The following CFAP77 variants were observed in gnomAD, a reference collection of about 807,000 sequenced individuals.
The protein encoded by CFAP77 is cilia- and flagella-associated protein 77.
CFAP77 carries 25 observed loss-of-function variants against 31.1 expected under a neutral mutation model. The ratio of observed to expected loss-of-function variants is 0.80; its 90% confidence interval spans 0.59 to 1.12. The LOEUF (loss-of-function observed/expected upper bound fraction) is 1.12, where lower values mean the gene tolerates loss of function less well. Ranked by LOEUF, CFAP77 falls within the 50% of genes most tolerant of loss-of-function variation. The pLI, the probability that CFAP77 is intolerant of heterozygous loss-of-function variation, is 0.00. For synonymous variants in CFAP77, 151 were observed against 159.9 expected (o/e 0.94, Z 0.42); for missense variants, 377 against 397.3 (o/e 0.95, Z 0.44).
intron 1 of CFAP77, among the ~76,000 whole-genome samples, chr9:132,431,825 C>T (rs1256585188): frequency 6.6e-6 from 1 of 152,152 alleles, no homozygotes; most frequent in Non-Finnish European, 1.5e-5. Context: ...AAAGTAATTG[C>T]AGTTTTTGCC....
At chr9:132,496,454 A>G (rs1418886601) in intron 1 of CFAP77, among the ~76,000 whole-genome samples, 1 of 151,958 alleles carries the variant, frequency 6.6e-6, no homozygotes, top group Non-Finnish European at 1.5e-5. Flanking sequence ...CATTTTCATC[A>G]CTCCCCAAAG....
intron 3 of CFAP77, among the ~76,000 whole-genome samples, chr9:132,531,984 G>T (rs1852461394): frequency 6.6e-6 from 1 of 152,194 alleles, no homozygotes; most frequent in Non-Finnish European, 1.5e-5. Context: ...ACGGTCTCTT[G>T]GGGTAGATAT....
chr9:132,557,682 A>G (rs1852925943), intron 5 of CFAP77, among the ~76,000 whole-genome samples: 1 of 152,136 alleles, frequency 6.6e-6, no homozygotes, highest in African/African-American at 2.4e-5. Context: ...CTGGCACCCC[A>G]TGCAAATCGA....
At chr9:132,443,481 G>A (rs564702364) in intron 1 of CFAP77, among the ~76,000 whole-genome samples, 8 of 152,160 alleles carry the variant, frequency 5.3e-5, no homozygotes, top group African/African-American at 1.4e-4. Context: ...TCGAACTCCC[G>A]AACTCAGGTG....
chr9:132,506,508 AC>A (rs1258279783), intron 3 of CFAP77, among the ~76,000 whole-genome samples: 1 of 151,656 alleles, frequency 6.6e-6, no homozygotes, highest in Non-Finnish European at 1.5e-5. Context: ...GACTCTGGGC[AC>A]CCTGGGCTCT....
chr9:132,491,326 G>C lies in CFAP77; in HGVS notation c.196-7369G>C, dbSNP rs370885052. Among the ~76,000 whole-genome samples, 35 of 152,266 alleles carry C rather than the reference G, an allele frequency of 2.3e-4. No homozygotes were observed. The South Asian group carries it at 4.8e-3, about 21-fold the overall frequency. On this transcript the variant is annotated intron_variant, in intron 1 of 5. Transcript: ENST00000393216. ...CTACCAAAAATACAAAATTAGCTGG[G>C]TGTGGTGGTGCACGCCTGTATTCCC...
At chr9:132,416,978 T>C (rs1850113910) in intron 1 of CFAP77, among the ~76,000 whole-genome samples, 1 of 152,046 alleles carries the variant, frequency 6.6e-6, no homozygotes, top group Non-Finnish European at 1.5e-5. Context: ...CGTTTGTTGG[T>C]CATTGGTAAT....
chr9:132,537,763 G>A (rs1002639487), intron 4 of CFAP77, 57 bp downstream of exon 4: 5 of 1,314,096 alleles, frequency 3.8e-6, no homozygotes, highest in Middle Eastern at 1.8e-4. Context: ...AGAGAGAAGG[G>A]CTGGCCAGGG....
intron 1 of CFAP77, among the ~76,000 whole-genome samples, chr9:132,436,896 T>C (rs976162062): frequency 6.6e-6 from 1 of 152,164 alleles, no homozygotes; most frequent in African/African-American, 2.4e-5. Context: ...CTTGTCTGGA[T>C]AGGGCCAGGA....
intron 1 of CFAP77, among the ~76,000 whole-genome samples, chr9:132,430,192 G>C (rs1012495219): frequency 5.9e-5 from 9 of 151,946 alleles, no homozygotes; most frequent in African/African-American, 2.2e-4. Flanking sequence ...TAAAATTTCT[G>C]GTTCTGTGAT....
In CFAP77 at chr9:132,498,303, G is replaced by A. The variant is rs114110451; in HGVS notation, c.196-392G>A. Among the ~76,000 whole-genome samples the A allele has an allele frequency of 0.014, 2,206 of 152,182 alleles. 38 individuals carry two copies. Among genetic ancestry groups the A allele is most frequent in the African/African-American group, 0.051 (2,119 of 41,500 alleles). ...GGTAGGAAAGATGTCTCCTTCCTTC[G>A]ACGGGGCCTCCAGATGAGGCCTCCT... On this transcript the variant is annotated intron_variant, in intron 1 of 5. Transcript: ENST00000393216. The surrounding 1 kb of genome is among the most constrained non-coding windows in gnomAD (Gnocchi z 4.2).
chr9:132,556,421 C>CT (rs1176667819), intron 5 of CFAP77, among the ~76,000 whole-genome samples: 3 of 152,212 alleles, frequency 2.0e-5, no homozygotes, highest in Non-Finnish European at 4.4e-5. Context: ...GGAGGACCCC[C>CT]TCCCCGGCGG....
rs1480306781 is a variant in CFAP77, at chr9:132,522,552, C to T, written c.525-15049C>T. On this transcript the variant is annotated intron_variant, in intron 3 of 5. Transcript: ENST00000393216. ...GTTCATTTTGGGGGTGGGAAAAATG[C>T]CTATATTTTACCATAAAGAACTACA... 8.5e-5 allele frequency among the ~76,000 whole-genome samples: 13 copies of T among 152,214 alleles called. No homozygotes were observed. The South Asian group carries it at 2.7e-3, about 32-fold the overall frequency.
chr9:132,438,917 C>G (rs1292081710), intron 1 of CFAP77, among the ~76,000 whole-genome samples: 9 of 150,512 alleles, frequency 6.0e-5, no homozygotes, highest in Non-Finnish European at 1.0e-4. Context: ...ACTTTGTTGC[C>G]CAGGCTGGAG....
intron 3 of CFAP77, among the ~76,000 whole-genome samples, chr9:132,502,288 G>T (rs920180457): frequency 6.7e-6 from 1 of 148,934 alleles, no homozygotes; most frequent in African/African-American, 2.5e-5. Flanking sequence ...GGGGGAGGGG[G>T]GTGGTAGTTC....
At chr9:132,546,126 G>GAACC in intron 5 of CFAP77, among the ~76,000 whole-genome samples, 1 of 152,208 alleles carries the variant, frequency 6.6e-6, no homozygotes, top group Non-Finnish European at 1.5e-5. Flanking sequence ...ATGAAAGACT[G>GAACC]AACCGCCAGT....
At chr9:132,553,668 T>A (rs997936024) in intron 5 of CFAP77, among the ~76,000 whole-genome samples, 1 of 152,152 alleles carries the variant, frequency 6.6e-6, no homozygotes, top group African/African-American at 2.4e-5. Context: ...AGGGTCTCGA[T>A]TGCACCCCAG....
chr9:132,519,519 G>GATGGATGGATGGGTGGGTGT (rs1852217581), intron 3 of CFAP77, among the ~76,000 whole-genome samples: 3 of 55,872 alleles, frequency 5.4e-5, no homozygotes, highest in Admixed American at 2.0e-4. Flanking sequence ...TGGGTGGGTG[G>GATGGATGGATGGGTGGGTGT]GTAGATGGAT....
chr9:132,422,858 G>A (rs1461200287), intron 1 of CFAP77, among the ~76,000 whole-genome samples: 1 of 152,228 alleles, frequency 6.6e-6, no homozygotes, highest in East Asian at 1.9e-4. Flanking sequence ...GTGACAGCTG[G>A]GATGGACATG....
Sources: gnomAD v4.1 joint callset for allele counts (sites outside exome capture counted in the v4.1 genomes callset) on GRCh38, gnomAD v4.1.1 for gene constraint, Gnocchi (gnomAD v3.1) non-coding constraint, MANE v1.5 for transcripts, NCBI Gene and HGNC (gene_info 2026-07-23, HGNC 2026-07-21) for gene names.